Variants in ASTN2 observed in about 807,000 individuals in gnomAD.
The protein encoded by ASTN2 is astrotactin-2.
In ASTN2, 54 loss-of-function variants were observed where a neutral mutation model predicts 139.8. That is an observed-to-expected ratio of 0.39 (90% CI 0.31 to 0.48). ASTN2 has a LOEUF of 0.48. Among genes scored for constraint, ASTN2 ranks in the 20% least tolerant of loss-of-function variants. ASTN2 has a pLI of 0.95. For missense variants in ASTN2, 1,565 were observed against 1,725.1 expected, an observed-to-expected ratio of 0.91 and a Z score of 1.64; for synonymous variants, 756 against 719.5, an observed-to-expected ratio of 1.05 and a Z score of -0.81.
chr9:116,686,758 C>G, intron 16 of ASTN2: 1 of 1,550,660 alleles, frequency 6.4e-7, no homozygotes, highest in Non-Finnish European at 8.7e-7. Flanking sequence ...TGCTGTCGGC[C>G]TCCCAGCTGA....
chr9:117,120,260 T>C (rs1214645036), intron 4 of ASTN2, among the ~76,000 whole-genome samples: 1 of 151,634 alleles, frequency 6.6e-6, no homozygotes, highest in Admixed American at 6.6e-5. Flanking sequence ...CAATGAGTCA[T>C]CACGTTATGA....
chr9:117,143,849 A>C (rs1284991681), intron 3 of ASTN2, among the ~76,000 whole-genome samples: 1 of 152,054 alleles, frequency 6.6e-6, no homozygotes, highest in African/African-American at 2.4e-5. Flanking sequence ...TCTTTTGATA[A>C]GGCCAAAGTT....
At chr9:116,506,656 AGG>A (rs1564326814) in intron 19 of ASTN2, among the ~76,000 whole-genome samples, 1 of 152,188 alleles carries the variant, frequency 6.6e-6, no homozygotes, top group Non-Finnish European at 1.5e-5. Context: ...GAGGGCAGGA[AGG>A]GGATTGCTGT....
intron 16 of ASTN2, among the ~76,000 whole-genome samples, chr9:116,663,061 T>A (rs1357078531): frequency 6.6e-6 from 1 of 152,230 alleles, no homozygotes; most frequent in East Asian, 1.9e-4. Flanking sequence ...AACTTACTCC[T>A]CAAGAACGGA....
intron 10 of ASTN2, among the ~76,000 whole-genome samples, chr9:116,921,079 T>C (rs1017310179): frequency 1.3e-5 from 2 of 152,154 alleles, no homozygotes; most frequent in African/African-American, 2.4e-5. Context: ...TTTCTACTCA[T>C]GGTGGAAGCA....
chr9:116,806,202 G>A (rs944645733), intron 12 of ASTN2, among the ~76,000 whole-genome samples: 3 of 152,152 alleles, frequency 2.0e-5, no homozygotes, highest in Non-Finnish European at 4.4e-5. Context: ...GTCAACCAAG[G>A]TTGAAGACTG....
chr9:116,935,692 C>T (rs1049788393), intron 10 of ASTN2, among the ~76,000 whole-genome samples: 1 of 152,210 alleles, frequency 6.6e-6, no homozygotes, highest in Non-Finnish European at 1.5e-5. Context: ...CAACTTACGT[C>T]ACCTCTCTGT....
At chr9:116,916,747 G>A (rs571634474) in intron 10 of ASTN2, among the ~76,000 whole-genome samples, 3 of 152,254 alleles carry the variant, frequency 2.0e-5, no homozygotes, top group East Asian at 3.9e-4. Flanking sequence ...GGCTGAGATT[G>A]CTTGAGCCTG....
At chr9:117,053,797 G>A (rs1007480096) in intron 5 of ASTN2, among the ~76,000 whole-genome samples, 3 of 152,214 alleles carry the variant, frequency 2.0e-5, no homozygotes, top group African/African-American at 7.2e-5. Context: ...TTTCCTGGAT[G>A]TAGAGGTTCA....
At chr9:116,431,261 G>C (rs146200716) in intron 22 of ASTN2, among the ~76,000 whole-genome samples, 4 of 152,258 alleles carry the variant, frequency 2.6e-5, no homozygotes, top group African/African-American at 7.2e-5. Context: ...AGACAGGCAG[G>C]AAGAAAACAT....
chr9:117,361,517 G>C (rs4837140), intron 1 of ASTN2, among the ~76,000 whole-genome samples: 1 of 152,106 alleles, frequency 6.6e-6, no homozygotes, highest in Non-Finnish European at 1.5e-5. Context: ...AAACTGCATA[G>C]GTTGAATACC....
intron 20 of ASTN2, among the ~76,000 whole-genome samples, chr9:116,456,646 C>T (rs1021424735): frequency 4.6e-5 from 7 of 152,104 alleles, no homozygotes; most frequent in Non-Finnish European, 7.4e-5. Flanking sequence ...GAGAGGTGAA[C>T]TCGTGCAGGG....
intron 7 of ASTN2, among the ~76,000 whole-genome samples, chr9:116,985,395 G>A (rs554595552): frequency 5.7e-4 from 87 of 152,310 alleles, no homozygotes; most frequent in Middle Eastern, 3.4e-3. Flanking sequence ...CTTAATCAAC[G>A]CTACATGGGG....
At chr9:116,832,353 T>C (rs1240084696) in intron 11 of ASTN2, among the ~76,000 whole-genome samples, 1 of 152,094 alleles carries the variant, frequency 6.6e-6, no homozygotes, top group Non-Finnish European at 1.5e-5. Context: ...TTTTGATTTT[T>C]TTTTTCCCTG....
chr9:117,147,438 A>AACACACACACACACACATACACAC (rs1554783150), intron 3 of ASTN2, among the ~76,000 whole-genome samples: 26 of 148,264 alleles, frequency 1.8e-4, no homozygotes, highest in Admixed American at 5.4e-4. Context: ...TCTGACTCAA[A>AACACACACACACACACATACACAC]ACACACACAC....
intron 19 of ASTN2, among the ~76,000 whole-genome samples, chr9:116,513,363 G>C (rs952523164): frequency 7.9e-5 from 12 of 152,204 alleles, no homozygotes; most frequent in African/African-American, 2.7e-4. Flanking sequence ...TTTCTGCCGA[G>C]AGATCAGCTG....
At chr9:117,027,254 G>C (rs1357724677) in intron 6 of ASTN2, among the ~76,000 whole-genome samples, 1 of 152,154 alleles carries the variant, frequency 6.6e-6, no homozygotes. Context: ...ATTTCATGCA[G>C]CTAGCATTTG....
chr9:116,508,480 G>A (rs980981785), intron 19 of ASTN2, among the ~76,000 whole-genome samples: 1 of 151,934 alleles, frequency 6.6e-6, no homozygotes, highest in South Asian at 2.1e-4. Context: ...GTGTGTGTGA[G>A]TGTGAGTGTG....
chr9:117,005,250 AT>A (rs35449201), intron 7 of ASTN2, among the ~76,000 whole-genome samples: 21 of 142,456 alleles, frequency 1.5e-4, no homozygotes, highest in African/African-American at 2.3e-4. Context: ...AAGCCCAGCT[AT>A]TTTTTTTTTT....
Sources: gnomAD v4.1 joint callset for allele counts (sites outside exome capture counted in the v4.1 genomes callset) on GRCh38, gnomAD v4.1.1 for gene constraint, MANE v1.5 for transcripts, NCBI Gene and HGNC (gene_info 2026-07-23, HGNC 2026-07-21) for gene names.